CENPP: variants seen among roughly 807,000 people sequenced by gnomAD.
CENPP encodes the protein centromere protein P.
In CENPP, 24 loss-of-function variants were observed where a neutral mutation model predicts 35.6. That is an observed-to-expected ratio of 0.67 (90% CI 0.49 to 0.95). The LOEUF is 0.95. Among genes scored for constraint, CENPP ranks in the 40% least tolerant of loss-of-function variants. The probability of loss-of-function intolerance (pLI) is 0.00; values close to 1 mark genes in which losing one functional copy is unlikely to be tolerated. For missense variants in CENPP, 332 were observed against 345.3 expected, an observed-to-expected ratio of 0.96 and a Z score of 0.31; for synonymous variants, 120 against 125.5, an observed-to-expected ratio of 0.96 and a Z score of 0.29.
chr9:92,573,341 C>A (rs1850196593), intron 5 of CENPP, among the ~76,000 whole-genome samples: 1 of 152,196 alleles, frequency 6.6e-6, no homozygotes, highest in Non-Finnish European at 1.5e-5. Context: ...AGCTGCAGGT[C>A]TGTTGGAGTT....
chr9:92,551,949 A>G (rs1478363975), intron 5 of CENPP, among the ~76,000 whole-genome samples: 1 of 122,758 alleles, frequency 8.1e-6, no homozygotes, highest in Non-Finnish European at 1.6e-5. Flanking sequence ...ATATATATAT[A>G]TATGATATAT....
chr9:92,344,132 G>T (rs1841207962), intron 3 of CENPP, among the ~76,000 whole-genome samples: 1 of 152,122 alleles, frequency 6.6e-6, no homozygotes, highest in South Asian at 2.1e-4. Context: ...AGGTCAGATT[G>T]TTTATAAGGT....
intron 5 of CENPP, chr9:92,416,517 A>G (rs1843617164): frequency 1.1e-5 from 8 of 745,718 alleles, no homozygotes; most frequent in Non-Finnish European, 1.7e-5. Context: ...CAAAACAACT[A>G]TTTTCAGCAA....
At chr9:92,342,048 A>G (rs1207150572) in intron 3 of CENPP, among the ~76,000 whole-genome samples, 2 of 152,244 alleles carry the variant, frequency 1.3e-5, no homozygotes, top group African/African-American at 4.8e-5. Flanking sequence ...TGGTGGTTTT[A>G]TGATAATCAG....
intron 4 of CENPP, among the ~76,000 whole-genome samples, chr9:92,357,552 T>C (rs1167149780): frequency 1.3e-5 from 2 of 151,632 alleles, no homozygotes; most frequent in Non-Finnish European, 2.9e-5. Flanking sequence ...TGGAGTTCAA[T>C]GGCGCGATCT....
intron 5 of CENPP, chr9:92,522,653 A>G: frequency 6.2e-7 from 1 of 1,614,024 alleles, no homozygotes. Context: ...CTATAATCAA[A>G]GTTAACAATA....
intron 5 of CENPP, among the ~76,000 whole-genome samples, chr9:92,477,966 G>A (rs1845771606): frequency 6.6e-6 from 1 of 152,146 alleles, no homozygotes; most frequent in Admixed American, 6.5e-5. Flanking sequence ...TCTTCACCGT[G>A]TCTGTCTACG....
chr9:92,358,052 C>G (rs1841640097), intron 4 of CENPP, among the ~76,000 whole-genome samples: 1 of 151,860 alleles, frequency 6.6e-6, no homozygotes, highest in South Asian at 2.1e-4. Flanking sequence ...CTATGTGGAT[C>G]TCTTAGTTCA....
chr9:92,464,566 T>C (rs901517052), intron 5 of CENPP, among the ~76,000 whole-genome samples: 1 of 152,264 alleles, frequency 6.6e-6, no homozygotes, highest in African/African-American at 2.4e-5. Context: ...ACAGGGTCTC[T>C]TGCCCCATCT....
rs1222151416 is a variant in CENPP, at chr9:92,330,288, T to G, written c.108-1882T>G. 5.3e-5 allele frequency among the ~76,000 whole-genome samples: 8 copies of G among 152,306 alleles called. No homozygotes were observed. The East Asian group carries it at 1.5e-3, about 29-fold the overall frequency. On this transcript the variant is annotated intron_variant, in intron 1 of 7. Transcript: ENST00000375587. Reference sequence around the variant, plus strand: ...GAAAAGCAGATTCCAAGAGAAACGATTTGGTGAGCTATCAAGCTAGATCTA... The same window carrying G: ...GAAAAGCAGATTCCAAGAGAAACGAGTTGGTGAGCTATCAAGCTAGATCTA...
chr9:92,582,484 C>A (rs1850450842), intron 5 of CENPP, among the ~76,000 whole-genome samples: 1 of 151,958 alleles, frequency 6.6e-6, no homozygotes, highest in Non-Finnish European at 1.5e-5. Context: ...ATCCTCTTCC[C>A]AAGATAACAA....
intron 5 of CENPP, chr9:92,514,807 A>G: frequency 2.5e-6 from 4 of 1,613,344 alleles, no homozygotes; most frequent in Non-Finnish European, 3.4e-6. Flanking sequence ...ATCTCCTCTT[A>G]CCGGGTCCTC....
chr9:92,467,498 G>A (rs1321831159), intron 5 of CENPP, among the ~76,000 whole-genome samples: 1 of 152,150 alleles, frequency 6.6e-6, no homozygotes, highest in Non-Finnish European at 1.5e-5. Context: ...ATGATGACAG[G>A]CCACTAAGCG....
intron 4 of CENPP, among the ~76,000 whole-genome samples, chr9:92,372,185 G>A (rs1842027421): frequency 8.9e-6 from 1 of 112,132 alleles, no homozygotes; most frequent in South Asian, 2.8e-4. Flanking sequence ...GCCACCACTT[G>A]CTTTTGGATT....
Position 92,397,518 on chromosome 9 carries a change from C to T in CENPP, c.564+17659C>T, listed in dbSNP as rs189140343. 4.6e-5 allele frequency among the ~76,000 whole-genome samples: 7 copies of T among 152,144 alleles called. No individual in the cohort carries two copies. The East Asian group carries it at 5.8e-4, about 13-fold the overall frequency. ...ATTTTTTTTGTATTTTTAGTAGAGA[C>T]GGGGTTTCACCATGTTGGCCAGGCT... On this transcript the variant is annotated intron_variant, in intron 5 of 7. Transcript: ENST00000375587.
At chr9:92,350,685 A>G (rs761202643) in intron 4 of CENPP, among the ~76,000 whole-genome samples, 3 of 152,202 alleles carry the variant, frequency 2.0e-5, no homozygotes, top group Non-Finnish European at 2.9e-5. Context: ...TTTGGAAAAC[A>G]ATTTTTTTCA....
intron 5 of CENPP, among the ~76,000 whole-genome samples, chr9:92,519,667 C>T (rs1192682767): frequency 6.6e-6 from 1 of 152,138 alleles, no homozygotes; most frequent in African/African-American, 2.4e-5. Flanking sequence ...GATCAAAGAC[C>T]TAATATATCT....
chr9:92,478,438 G>GT (rs1330479250), intron 5 of CENPP, among the ~76,000 whole-genome samples: 8 of 151,890 alleles, frequency 5.3e-5, no homozygotes, highest in African/African-American at 9.7e-5. Flanking sequence ...TTTTTTGTTT[G>GT]TTTTTTTGGG....
intron 5 of CENPP, chr9:92,538,981 CT>C (rs1477663754): frequency 6.6e-6 from 1 of 152,008 alleles, no homozygotes; most frequent in Non-Finnish European, 1.5e-5. Flanking sequence ...CATATGACAG[CT>C]TTGTAGATAT....
Sources: allele counts gnomAD v4.1 joint callset (sites outside exome capture counted in the v4.1 genomes callset), GRCh38; gene constraint gnomAD v4.1.1; transcripts MANE v1.5; gene names NCBI Gene and HGNC (gene_info 2026-07-23, HGNC 2026-07-21).